Variants in SLCO1A2 observed in about 807,000 individuals in gnomAD.
SLCO1A2 encodes solute carrier organic anion transporter family member 1A2, also known as OATP-1.
SLCO1A2 carries 67 observed loss-of-function variants against 69.0 expected under a neutral mutation model. The ratio of observed to expected loss-of-function variants is 0.97; its 90% confidence interval spans 0.80 to 1.19. SLCO1A2 has a LOEUF of 1.19. Among genes scored for constraint, SLCO1A2 ranks in the 50% most tolerant of loss-of-function variants. The pLI, the probability that SLCO1A2 is intolerant of heterozygous loss-of-function variation, is 0.00. For missense variants in SLCO1A2, 787 were observed against 793.7 expected, an observed-to-expected ratio of 0.99 and a Z score of 0.10; for synonymous variants, 260 against 265.9, an observed-to-expected ratio of 0.98 and a Z score of 0.22.
At chr12:21,379,339 C>T (rs1281665548) in intron 1 of SLCO1A2, 1 of 152,148 alleles carries the variant, frequency 6.6e-6, no homozygotes, top group East Asian at 1.9e-4. Flanking sequence ...GTGTTAGCAG[C>T]AGTGAGCTTC....
chr12:21,414,141 C>T lies in SLCO1A2; in HGVS notation c.-312+3741G>A, dbSNP rs930187185. Among the ~76,000 whole-genome samples, 64 of 152,246 alleles carry T rather than the reference C, an allele frequency of 4.2e-4. 1 individual carries two copies. Among genetic ancestry groups the T allele is most frequent in the African/African-American group, 1.5e-3 (63 of 41,538 alleles). ...CTATCTCCAACCTTCCCCCTGTATCCAGCAATAGCAATAAATTCCCTTATT... is the reference window on the plus strand; with the variant it reads ...CTATCTCCAACCTTCCCCCTGTATCTAGCAATAGCAATAAATTCCCTTATT... On this transcript the variant is annotated intron_variant, in intron 1 of 4. Transcript: ENST00000413682.
At chr12:21,311,962 G>A (rs1950225018) in intron 4 of SLCO1A2, among the ~76,000 whole-genome samples, 1 of 151,258 alleles carries the variant, frequency 6.6e-6, no homozygotes, top group African/African-American at 2.4e-5. Flanking sequence ...AGAATGAGAA[G>A]GAGAAGAAGA....
intron 2 of SLCO1A2, among the ~76,000 whole-genome samples, chr12:21,368,859 G>GA (rs1326058144): frequency 6.6e-6 from 1 of 152,052 alleles, no homozygotes; most frequent in Non-Finnish European, 1.5e-5. Context: ...TGATAGAGAA[G>GA]AAAAGTGAGG....
chr12:21,265,866 C>T lies in SLCO1A2; in HGVS notation c.*3682G>A, dbSNP rs907203555. 1 of 152,046 alleles carries T rather than the reference C, an allele frequency of 6.6e-6. No individual in the cohort carries two copies. The highest frequency in any genetic ancestry group is 2.4e-5 in the African/African-American group (1 of 41,402). 9.4% of individuals were successfully genotyped at this position (152,046 alleles called of 1,614,324 possible). ...TTCTCCAGGCCCAGTAAATAAGAACCATTCTGTCAATTTCTATATTTTCTT... is the reference window on the plus strand; with the variant it reads ...TTCTCCAGGCCCAGTAAATAAGAACTATTCTGTCAATTTCTATATTTTCTT... On this transcript the variant is annotated 3_prime_UTR_variant, in exon 15 of 15. Coordinates refer to ENST00000683939, the MANE Select transcript of SLCO1A2 (RefSeq NM_001386879.1).
At chr12:21,313,316 T>A (rs35901590) in intron 4 of SLCO1A2, among the ~76,000 whole-genome samples, 13,752 of 152,286 alleles carry the variant, frequency 0.09, 871 homozygotes, top group Non-Finnish European at 0.13. Context: ...CAATAAACCT[T>A]CAATTTGTGA....
chr12:21,358,750 G>T (rs1938575799), intron 2 of SLCO1A2, among the ~76,000 whole-genome samples: 1 of 134,148 alleles, frequency 7.5e-6, no homozygotes, highest in African/African-American at 2.9e-5. Flanking sequence ...CGGTTTGTTG[G>T]AGATACTTTT....
intron 2 of SLCO1A2, among the ~76,000 whole-genome samples, chr12:21,328,146 G>A (rs768431804): frequency 1.4e-4 from 21 of 152,132 alleles, no homozygotes; most frequent in South Asian, 4.1e-4. Context: ...TTTACCTTCC[G>A]TCGTAATTGT....
chr12:21,396,273 C>T (rs1180787911), upstream of SLCO1A2, among the ~76,000 whole-genome samples: 3 of 150,308 alleles, frequency 2.0e-5, no homozygotes, highest in Admixed American at 6.6e-5. Flanking sequence ...ACGGTATCAG[C>T]GATGGAAGAT....
chr12:21,346,410 C>T (rs1953253411), intron 2 of SLCO1A2, among the ~76,000 whole-genome samples: 1 of 151,900 alleles, frequency 6.6e-6, no homozygotes, highest in Non-Finnish European at 1.5e-5. Context: ...GCACGGGATA[C>T]AGATCCATGA....
intron 1 of SLCO1A2, among the ~76,000 whole-genome samples, chr12:21,384,951 G>A (rs928109866): frequency 2.0e-5 from 3 of 151,958 alleles, no homozygotes; most frequent in African/African-American, 7.2e-5. Context: ...ATTTTTAGTA[G>A]AGACGGGGTT....
At chr12:21,272,787 T>C (rs1016058126) in intron 14 of SLCO1A2, among the ~76,000 whole-genome samples, 5 of 152,174 alleles carry the variant, frequency 3.3e-5, no homozygotes, top group Admixed American at 2.0e-4. Flanking sequence ...TTTTAACTTA[T>C]TTGTGTGGGG....
At chr12:21,378,295 A>G in intron 1 of SLCO1A2, 1 of 1,614,218 alleles carries the variant, frequency 6.2e-7, no homozygotes, top group Non-Finnish European at 8.5e-7. Flanking sequence ...GCGCCTGGCA[A>G]ATTTTTTAGT....
At chr12:21,403,607 T>C (rs933148234) in intron 1 of SLCO1A2, 3 of 152,044 alleles carry the variant, frequency 2.0e-5, no homozygotes. Flanking sequence ...TTTTAAACCT[T>C]TGGTTAAGTT....
At chr12:21,287,190 A>T (rs1182945299) in intron 12 of SLCO1A2, among the ~76,000 whole-genome samples, 4 of 142,226 alleles carry the variant, frequency 2.8e-5, no homozygotes, top group Non-Finnish European at 6.0e-5. Context: ...CCCATCAAAA[A>T]GTGGGCAAAG....
intron 8 of SLCO1A2, among the ~76,000 whole-genome samples, chr12:21,299,783 TATATATACAC>T (rs1369157901): frequency 6.0e-5 from 7 of 116,298 alleles, no homozygotes; most frequent in Non-Finnish European, 1.1e-4. Context: ...TATATATATA[TATATATACAC>T]ACACACGTAT....
In SLCO1A2 at chr12:21,266,888, T is replaced by TA. The variant is rs987120795; in HGVS notation, c.*2659dup. ...GTTAATTTTTGAATTATAAGTAATA[T>TA]ATTAAACCACTATTTCTAGTTTCAT... On this transcript the variant is annotated 3_prime_UTR_variant, in exon 15 of 15. Coordinates refer to ENST00000683939, the MANE Select transcript of SLCO1A2 (RefSeq NM_001386879.1). The TA allele has an allele frequency of 2.2e-4, 34 of 152,258 alleles. No homozygotes were observed. The highest frequency in any genetic ancestry group is 7.2e-4 in the African/African-American group (30 of 41,566). The allele number at this position is 152,258 out of a possible 1,614,324, so 9.4% of individuals were successfully genotyped here.
chr12:21,274,847 T>G (rs1943513222), intron 13 of SLCO1A2: 1 of 865,078 alleles, frequency 1.2e-6, no homozygotes, highest in South Asian at 3.5e-5. Context: ...CTTTATATAT[T>G]TTCTTAAATG....
chr12:21,288,841 T>C (rs1411776572), intron 12 of SLCO1A2, among the ~76,000 whole-genome samples: 1 of 151,676 alleles, frequency 6.6e-6, no homozygotes, highest in Non-Finnish European at 1.5e-5. Context: ...TATTTATATA[T>C]GATTAATTTT....
In SLCO1A2 at chr12:21,378,443, ATAG is replaced by A; in HGVS notation, c.-189-3921_-189-3919del. 1.9e-6 allele frequency: 3 copies of A among 1,590,610 alleles called. No homozygotes were observed. The South Asian group carries it at 3.3e-5, about 18-fold the overall frequency. ...CCCCTTTAGAGGACAATGTAACTCT[ATAG>A]TTATTGTTTTATGTTCTAGTGATTT... On this transcript the variant is annotated intron_variant, in intron 1 of 15. Transcript: ENST00000307378.
Sources: gnomAD v4.1 joint callset for allele counts (sites outside exome capture counted in the v4.1 genomes callset) on GRCh38, gnomAD v4.1.1 for gene constraint, MANE v1.5 for transcripts, NCBI Gene and HGNC (gene_info 2026-07-23, HGNC 2026-07-21) for gene names.